The following HFM1 variants were observed in gnomAD, a reference collection of about 807,000 sequenced individuals.
The protein encoded by HFM1 is helicase for meiosis 1, also known as probable ATP-dependent DNA helicase HFM1.
A neutral mutation model predicts 192.1 loss-of-function variants in HFM1; 169 were observed. The ratio of observed to expected loss-of-function variants is 0.88; its 90% CI spans 0.78 to 1.00. HFM1 has a LOEUF of 1.00. Among genes scored for constraint, HFM1 ranks in the 50% least tolerant of loss-of-function variants. The pLI is 0.00. For synonymous variants in HFM1, 525 were observed against 537.8 expected, an observed-to-expected ratio of 0.98 and a Z score of 0.33; for missense variants, 1,661 against 1,668.0, an observed-to-expected ratio of 1.00 and a Z score of 0.07.
chr1:91,272,145 A>T (rs1666364257), intron 34 of HFM1, among the ~76,000 whole-genome samples: 1 of 152,140 alleles, frequency 6.6e-6, no homozygotes, highest in African/African-American at 2.4e-5. Context: ...CTAATATGTG[A>T]AAAATATAAT....
chr1:91,311,706 T>G (rs1650485515), intron 30 of HFM1, among the ~76,000 whole-genome samples: 4 of 152,046 alleles, frequency 2.6e-5, no homozygotes, highest in Admixed American at 6.6e-5. Flanking sequence ...GAGAAATTCA[T>G]GCTGGCTGCA....
intron 30 of HFM1, among the ~76,000 whole-genome samples, chr1:91,305,577 CT>C (rs1040368753): frequency 6.8e-6 from 1 of 148,070 alleles, no homozygotes; most frequent in East Asian, 2.0e-4. Flanking sequence ...CTTTTTTTTT[CT>C]TTTTTTTGAG....
chr1:91,397,233 G>A (rs1242453802), intron 2 of HFM1, among the ~76,000 whole-genome samples: 2 of 152,096 alleles, frequency 1.3e-5, no homozygotes, highest in Non-Finnish European at 2.9e-5. Context: ...AAAAATCCAA[G>A]AAATCATTTG....
chr1:91,331,804 G>A (rs1310588165), intron 20 of HFM1, among the ~76,000 whole-genome samples: 3 of 152,308 alleles, frequency 2.0e-5, no homozygotes, highest in African/African-American at 4.8e-5. Flanking sequence ...GCTGAGGCAG[G>A]AGAATCACTT....
chr1:91,290,550 G>A (rs1668624831), intron 30 of HFM1, among the ~76,000 whole-genome samples: 1 of 152,090 alleles, frequency 6.6e-6, no homozygotes, highest in Non-Finnish European at 1.5e-5. Flanking sequence ...GATTCATAAA[G>A]CAAGTCCTGA....
intron 30 of HFM1, among the ~76,000 whole-genome samples, chr1:91,283,650 T>C (rs1667666320): frequency 6.6e-6 from 1 of 152,184 alleles, no homozygotes; most frequent in African/African-American, 2.4e-5. Context: ...TTGCCACATA[T>C]TGTATTAATT....
intron 34 of HFM1, 61 bp downstream of exon 34, chr1:91,273,651 C>T (rs281964): frequency 1 from 841,656 of 841,926 alleles, 420,693 homozygotes; most frequent in East Asian, 1. Flanking sequence ...TAACACTACT[C>T]GTCAATTCAA....
intron 13 of HFM1, among the ~76,000 whole-genome samples, chr1:91,370,175 T>C (rs893104635): frequency 1.3e-5 from 2 of 152,066 alleles, no homozygotes; most frequent in Non-Finnish European, 2.9e-5. Flanking sequence ...GGAGGAGTTG[T>C]TACCATTCCT....
At chr1:91,329,444 G>C in intron 20 of HFM1, 2 of 1,570,240 alleles carry the variant, frequency 1.3e-6, no homozygotes, top group Admixed American at 3.6e-5. Context: ...CTAAGTGCAA[G>C]GAGCCAGAAT....
At chr1:91,405,448 A>C (rs1483073704), upstream of HFM1, among the ~76,000 whole-genome samples, 2 of 152,240 alleles carry the variant, frequency 1.3e-5, no homozygotes, top group Non-Finnish European at 2.9e-5. Flanking sequence ...AATAGCAACG[A>C]ATCAATGATG....
At chr1:91,265,904 T>A (rs764167002) in intron 36 of HFM1, 113 bp downstream of exon 36, 35 of 1,384,506 alleles carry the variant, frequency 2.5e-5, no homozygotes, top group Non-Finnish European at 3.3e-5. Context: ...AGGGTTTAGG[T>A]TGGCTAATAC....
In HFM1 at chr1:91,380,110, C is replaced by A; in HGVS notation, c.1000G>T (p.Val334Phe). Residue 334 changes from valine (V) to phenylalanine (F), a missense_variant, in exon 8 of 39, where the codon GTT becomes TTT. Val to Phe is a conservative substitution (Grantham distance 50, BLOSUM62 -1). Coordinates refer to ENST00000370425, the MANE Select transcript of HFM1 (RefSeq NM_001017975.6). ...TCTTATAATAAATACTTACTGTAAA[C>A]AATTTTAATATTCAACCATGGCAAT... ...VPLPWLNIKI[V>F]YMAPIKALCS... The A allele has an allele frequency of 7.3e-7, 1 of 1,366,706 alleles. No individual in the cohort carries two copies. The highest frequency in any genetic ancestry group is 1.0e-6 in the Non-Finnish European group (1 of 997,168). The allele number at this position is 1,366,706 out of a possible 1,614,324, so 84.7% of individuals were successfully genotyped here.
intron 23 of HFM1, among the ~76,000 whole-genome samples, chr1:91,321,708 C>T (rs1002317551): frequency 1.3e-5 from 2 of 152,070 alleles, no homozygotes; most frequent in African/African-American, 4.8e-5. Context: ...AAATAAGATG[C>T]ACAAAGGCGG....
chr1:91,288,517 G>A, intron 30 of HFM1, among the ~76,000 whole-genome samples: 1 of 151,916 alleles, frequency 6.6e-6, no homozygotes, highest in Non-Finnish European at 1.5e-5. Flanking sequence ...CTAGGCAGAG[G>A]GCCCTGCTGC....
chr1:91,385,455 T>C lies in HFM1; in HGVS notation c.754+120A>G, dbSNP rs2102049878. ...AAAATAATGCAATATAATAAAAAAATGCAGAAATTGCACAGAGAGATAATT... is the reference window on the plus strand; with the variant it reads ...AAAATAATGCAATATAATAAAAAAACGCAGAAATTGCACAGAGAGATAATT... On this transcript the variant is annotated intron_variant, in intron 5 of 38. Coordinates refer to ENST00000370425, the MANE Select transcript of HFM1 (RefSeq NM_001017975.6). 4.7e-6 allele frequency: 4 copies of C among 856,178 alleles called. 1 individual carries two copies. In the South Asian group the frequency reaches 5.6e-5, roughly 12 times the overall value. 53.0% of individuals were successfully genotyped at this position (856,178 alleles called of 1,614,324 possible).
intron 13 of HFM1, among the ~76,000 whole-genome samples, chr1:91,356,147 A>C (rs1226096442): frequency 1.3e-5 from 2 of 152,224 alleles, no homozygotes; most frequent in African/African-American, 4.8e-5. Context: ...TGGTCAAAGA[A>C]ACCAAAAGGG....
intron 20 of HFM1, among the ~76,000 whole-genome samples, chr1:91,343,045 G>T (rs992061559): frequency 7.3e-5 from 11 of 151,714 alleles, no homozygotes; most frequent in Non-Finnish European, 1.0e-4. Flanking sequence ...AGCTAACATG[G>T]TGAAACCCCG....
intron 4 of HFM1, among the ~76,000 whole-genome samples, chr1:91,390,600 T>C (rs1169914652): frequency 1.3e-5 from 2 of 152,172 alleles, no homozygotes; most frequent in Non-Finnish European, 2.9e-5. Flanking sequence ...TCATGGGATA[T>C]ACCTCAAAAT....
At chr1:91,265,512 G>A (rs918893028) in intron 36 of HFM1, among the ~76,000 whole-genome samples, 1 of 452 alleles carries the variant, frequency 2.2e-3, no homozygotes, top group Non-Finnish European at 0.016. Context: ...TTGGGTTTGC[G>A]ACCCGACTGG....
Sources: allele counts gnomAD v4.1 joint callset (sites outside exome capture counted in the v4.1 genomes callset), GRCh38; gene constraint gnomAD v4.1.1; transcripts MANE v1.5; gene names NCBI Gene and HGNC (gene_info 2026-07-23, HGNC 2026-07-21).